Variants in ZMIZ1 observed in about 807,000 individuals in gnomAD.
ZMIZ1 encodes zinc finger MIZ domain-containing protein 1.
A neutral mutation model predicts 113.9 loss-of-function variants in ZMIZ1; 17 were observed. That is an observed-to-expected ratio of 0.15 (90% CI 0.10 to 0.22). The LOEUF (loss-of-function observed/expected upper bound fraction) is 0.22. Among genes scored for constraint, ZMIZ1 ranks in the 10% least tolerant of loss-of-function variants. ZMIZ1 has a pLI of 1.00. For missense variants in ZMIZ1, 1,059 were observed against 1,477.8 expected, an observed-to-expected ratio of 0.72 and a Z score of 4.65; for synonymous variants, 607 against 603.1, an observed-to-expected ratio of 1.01 and a Z score of -0.09.
intron 1 of ZMIZ1, among the ~76,000 whole-genome samples, chr10:79,084,675 C>A (rs1428045223): frequency 6.6e-6 from 1 of 152,216 alleles, no homozygotes. Flanking sequence ...GCCGTATGAA[C>A]ACAGGCAGGT....
chr10:79,310,413 C>T (rs1424032220), intron 23 of ZMIZ1, among the ~76,000 whole-genome samples: 1 of 152,220 alleles, frequency 6.6e-6, no homozygotes, highest in Non-Finnish European at 1.5e-5. Flanking sequence ...TCACCCCTGC[C>T]CAGGGCCCAC....
chr10:79,174,606 G>A (rs1267500362), intron 4 of ZMIZ1, among the ~76,000 whole-genome samples: 1 of 152,254 alleles, frequency 6.6e-6, no homozygotes, highest in Non-Finnish European at 1.5e-5. Context: ...GGATGCTCAT[G>A]TTGGGAATCC....
chr10:79,229,141 C>T (rs1849298756), intron 7 of ZMIZ1, among the ~76,000 whole-genome samples: 1 of 152,222 alleles, frequency 6.6e-6, no homozygotes, highest in Non-Finnish European at 1.5e-5. Flanking sequence ...GGTAACCCAG[C>T]TGTCTCTCCA....
At chr10:79,242,656 T>TG (rs1404692348) in intron 7 of ZMIZ1, among the ~76,000 whole-genome samples, 5 of 150,152 alleles carry the variant, frequency 3.3e-5, no homozygotes, top group East Asian at 4.0e-4. Context: ...GAGGATTCGC[T>TG]GGGGGGCGGG....
At chr10:79,114,506 CGTGTGT>C (rs57304757) in intron 1 of ZMIZ1, among the ~76,000 whole-genome samples, 28 of 93,244 alleles carry the variant, frequency 3.0e-4, no homozygotes, top group East Asian at 1.3e-3. Flanking sequence ...TGTGTGTGTG[CGTGTGT>C]GTGTGTGTGT....
At chr10:79,226,326 G>A (rs1849199151) in intron 7 of ZMIZ1, among the ~76,000 whole-genome samples, 1 of 152,100 alleles carries the variant, frequency 6.6e-6, no homozygotes, top group Admixed American at 6.5e-5. Flanking sequence ...TGGTGCTCCC[G>A]AGGAGCTGGA....
chr10:79,129,155 T>C (rs971666640), intron 2 of ZMIZ1, among the ~76,000 whole-genome samples: 2 of 152,190 alleles, frequency 1.3e-5, no homozygotes, highest in African/African-American at 4.8e-5. Flanking sequence ...TTATTTAATG[T>C]CACTCTCCCC....
chr10:79,086,593 A>AG (rs1235595080), intron 1 of ZMIZ1, among the ~76,000 whole-genome samples: 1 of 152,186 alleles, frequency 6.6e-6, no homozygotes, highest in Non-Finnish European at 1.5e-5. Flanking sequence ...GGCTTACTGC[A>AG]GTCTCGAACT....
intron 2 of ZMIZ1, among the ~76,000 whole-genome samples, chr10:79,123,259 G>A (rs778292839): frequency 1.3e-5 from 2 of 152,188 alleles, no homozygotes; most frequent in Non-Finnish European, 2.9e-5. Flanking sequence ...GGCAGATTGC[G>A]GCTGTGGACC....
chr10:79,248,121 G>A (rs1033681112), intron 7 of ZMIZ1, among the ~76,000 whole-genome samples: 1 of 152,146 alleles, frequency 6.6e-6, no homozygotes, highest in African/African-American at 2.4e-5. Context: ...AAATATTAGG[G>A]TGCAGCACGG....
chr10:79,299,000 C>T, intron 15 of ZMIZ1, 50 bp from the exon 16 acceptor site: 1 of 1,569,368 alleles, frequency 6.4e-7, no homozygotes, highest in Non-Finnish European at 8.6e-7. Flanking sequence ...AGCCCCAGAA[C>T]CCATGGCAGC....
At chr10:79,310,454 A>G (rs1009438286) in intron 23 of ZMIZ1, among the ~76,000 whole-genome samples, 5 of 152,052 alleles carry the variant, frequency 3.3e-5, no homozygotes, top group Admixed American at 2.6e-4. Flanking sequence ...CCTGAGCCGC[A>G]CGCCCGCCCA....
At chr10:79,207,144 A>G (rs1320164268) in intron 5 of ZMIZ1, among the ~76,000 whole-genome samples, 3 of 152,184 alleles carry the variant, frequency 2.0e-5, no homozygotes, top group African/African-American at 4.8e-5. Context: ...TGCGGCTCCT[A>G]GGCCCCTCCC....
Position 79,279,267 on chromosome 10 carries a change from G to C in ZMIZ1, c.425+1942G>C, listed in dbSNP as rs184270552. 8.8e-3 allele frequency among the ~76,000 whole-genome samples: 1,308 copies of C among 148,548 alleles called. 14 individuals carry two copies. The highest frequency in any genetic ancestry group is 0.03 in the African/African-American group (1,223 of 40,140). Reference sequence around the variant, plus strand: ...TCAGACTGGGCGGCCGGTCAGAGACGCTCCTCACCTCCCAGATGGGGTGGT... The same window carrying C: ...TCAGACTGGGCGGCCGGTCAGAGACCCTCCTCACCTCCCAGATGGGGTGGT... On this transcript the variant is annotated intron_variant, in intron 8 of 24. Transcript: ENST00000334512.
At chr10:79,297,585 C>T in intron 13 of ZMIZ1, 28 bp from the exon 14 acceptor site, 2 of 1,604,748 alleles carry the variant, frequency 1.2e-6, no homozygotes, top group Non-Finnish European at 8.5e-7. Context: ...CTGCCCCCCA[C>T]TCAGTGTTGT....
intron 3 of ZMIZ1, among the ~76,000 whole-genome samples, chr10:79,160,459 G>A (rs181307219): frequency 1.3e-5 from 2 of 152,194 alleles, no homozygotes; most frequent in African/African-American, 4.8e-5. Flanking sequence ...TCTGGCCCTC[G>A]CATGCAGTGC....
At chr10:79,070,140 C>T (rs1207268584) in intron 1 of ZMIZ1, among the ~76,000 whole-genome samples, 1 of 23,762 alleles carries the variant, frequency 4.2e-5, no homozygotes, top group Non-Finnish European at 1.3e-4. Flanking sequence ...GGGCTGGAGC[C>T]GGGGTCGGGG....
chr10:79,270,684 G>A (rs1362545901), intron 7 of ZMIZ1, among the ~76,000 whole-genome samples: 1 of 152,170 alleles, frequency 6.6e-6, no homozygotes, highest in African/African-American at 2.4e-5. Flanking sequence ...AGGAGCATGA[G>A]GTCAACTGTC....
At chr10:79,298,367 T>C in intron 14 of ZMIZ1, 39 bp from the exon 15 acceptor site, 1 of 1,590,898 alleles carries the variant, frequency 6.3e-7, no homozygotes, top group Non-Finnish European at 8.6e-7. Context: ...TCTGTCTCCG[T>C]AATCCCATAA....
Sources: allele counts gnomAD v4.1 joint callset (sites outside exome capture counted in the v4.1 genomes callset), GRCh38; gene constraint gnomAD v4.1.1; transcripts MANE v1.5; gene names NCBI Gene and HGNC (gene_info 2026-07-23, HGNC 2026-07-21).